FRMD4B: variants seen among roughly 807,000 people sequenced by gnomAD.
FRMD4B encodes the protein FERM domain-containing protein 4B.
Under a neutral mutation model 141.5 loss-of-function variants are expected in FRMD4B, and 74 were observed. The ratio of observed to expected loss-of-function variants is 0.52; its 90% CI spans 0.43 to 0.63. The LOEUF is 0.63. Ranked by LOEUF, FRMD4B falls within the 30% of genes least tolerant of loss-of-function variation. FRMD4B has a pLI of 0.00. For missense variants in FRMD4B, 1,366 were observed against 1,253.4 expected (o/e 1.09, Z -1.36); for synonymous variants, 506 against 467.9 (o/e 1.08, Z -1.05).
At chr3:69,314,454 G>A (rs1203428073) in intron 1 of FRMD4B, among the ~76,000 whole-genome samples, 78 of 151,728 alleles carry the variant, frequency 5.1e-4, no homozygotes, top group Admixed American at 5.1e-3. Context: ...CTTGAACCTG[G>A]GCAGTGGTGT....
At chr3:69,425,063 A>G (rs1705054055) in intron 2 of FRMD4B, among the ~76,000 whole-genome samples, 1 of 152,134 alleles carries the variant, frequency 6.6e-6, no homozygotes, top group Admixed American at 6.5e-5. Flanking sequence ...AAGGTAGGTG[A>G]TGTGCTATTA....
chr3:69,499,750 T>C (rs1013378238), intron 1 of FRMD4B, among the ~76,000 whole-genome samples: 2 of 152,290 alleles, frequency 1.3e-5, no homozygotes, highest in African/African-American at 4.8e-5. Flanking sequence ...TTCAGACTCA[T>C]CTGCTCCAAG....
upstream of FRMD4B, among the ~76,000 whole-genome samples, chr3:69,389,818 C>T (rs1704341323): frequency 6.6e-6 from 1 of 152,174 alleles, no homozygotes; most frequent in Admixed American, 6.5e-5. Flanking sequence ...AACCAGATCC[C>T]AGACACACAC....
intron 5 of FRMD4B, among the ~76,000 whole-genome samples, chr3:69,252,134 T>G (rs2314994): frequency 0.26 from 39,308 of 152,150 alleles, 5,387 homozygotes; most frequent in East Asian, 0.5. Flanking sequence ...GAAAAATATT[T>G]CAGACACCAA....
intron 1 of FRMD4B, among the ~76,000 whole-genome samples, chr3:69,460,652 T>A (rs115317677): frequency 0.011 from 1,663 of 152,312 alleles, 36 homozygotes; most frequent in African/African-American, 0.039. Context: ...CTGTCACAAC[T>A]ACTCAGACTT....
intron 1 of FRMD4B, among the ~76,000 whole-genome samples, chr3:69,463,885 T>C (rs970517517): frequency 2.0e-5 from 3 of 152,140 alleles, no homozygotes; most frequent in African/African-American, 7.2e-5. Flanking sequence ...TTTGAAAGGC[T>C]ATTAGAGATC....
intron 1 of FRMD4B, among the ~76,000 whole-genome samples, chr3:69,485,536 T>C (rs1026035442): frequency 2.6e-5 from 4 of 152,180 alleles, no homozygotes; most frequent in African/African-American, 7.2e-5. Flanking sequence ...AGCCACAGCT[T>C]GGGCAGCTGC....
At position 69,171,893 on chromosome 3, in the gene FRMD4B, G is replaced by A. The variant is rs1379665125; in HGVS notation, c.3073C>T (p.His1025Tyr). 5.0e-6 allele frequency: 8 copies of A among 1,613,134 alleles called. No individual in the cohort carries two copies. Among genetic ancestry groups the A allele is most frequent in the Non-Finnish European group, 6.8e-6 (8 of 1,179,318 alleles). Residue 1025 changes from histidine to tyrosine, a missense_variant, in exon 23 of 23, where the codon CAT (histidine) becomes TAT (tyrosine). Transcript: ENST00000398540. ...AATGTTCCAGGCTTTGAATCTTCAT[G>A]CCAAAAGAGTCTCTGCTCACTACTC... ...LESSEQRLFWHEDSKPGTLV is the reference protein window; with the variant it reads ...LESSEQRLFWYEDSKPGTLV
chr3:69,389,991 C>T (rs549090074), upstream of FRMD4B, among the ~76,000 whole-genome samples: 9 of 152,170 alleles, frequency 5.9e-5, no homozygotes, highest in East Asian at 1.7e-3. Context: ...TTTCCTGCAG[C>T]TCTCTCTGGA....
At chr3:69,266,830 C>A (rs2093564356) in intron 5 of FRMD4B, among the ~76,000 whole-genome samples, 1 of 152,258 alleles carries the variant, frequency 6.6e-6, no homozygotes, top group Middle Eastern at 3.4e-3. Context: ...AGTCAAGTAG[C>A]CTCAAAGTGT....
chr3:69,176,548 T>C lies in FRMD4B; in HGVS notation c.2960A>G (p.Tyr987Cys), dbSNP rs758394679. 15 of 1,612,792 alleles carry C rather than the reference T, an allele frequency of 9.3e-6. No homozygotes were observed. Among genetic ancestry groups the C allele is most frequent in the East Asian group, 8.9e-5 (4 of 44,878 alleles). ...SSYTSCYGNVYNPLPSPSRQY... is the reference protein window; with the variant it reads ...SSYTSCYGNVCNPLPSPSRQY... ...CCTGCTTGGAGAGGGTAAAGGATTATAGACATTGCCATAGCAGCTGGTGTA... is the reference window on the plus strand; with the variant it reads ...CCTGCTTGGAGAGGGTAAAGGATTACAGACATTGCCATAGCAGCTGGTGTA... Residue 987 changes from tyrosine to cysteine, a missense_variant, in exon 22 of 23, where the codon TAT (tyrosine) becomes TGT (cysteine). Physicochemically the swap from Tyr to Cys is radical, Grantham distance 194. Transcript: ENST00000398540.
Position 69,224,606 on chromosome 3 carries a change from C to T in FRMD4B, c.665+1G>A. The T allele has an allele frequency of 1.3e-6, 2 of 1,492,166 alleles. No individual in the cohort carries two copies. Among genetic ancestry groups the T allele is most frequent in the Non-Finnish European group, 1.9e-6 (2 of 1,074,688 alleles). The allele number at this position is 1,492,166 out of a possible 1,614,324, so 92.4% of individuals were successfully genotyped here. ...ACACCTGTTATGTGGATTTGGCTTA[C>T]CAGTAGGCAAGGGATGGATGCTCCT... On this transcript the variant is annotated splice_donor_variant, in intron 8 of 22. Transcript: ENST00000398540. LOFTEE classifies it high-confidence loss of function.
intron 1 of FRMD4B, among the ~76,000 whole-genome samples, chr3:69,380,609 T>C (rs1704090714): frequency 1.3e-5 from 2 of 152,150 alleles, no homozygotes; most frequent in African/African-American, 2.4e-5. Flanking sequence ...GGAAAGCAAT[T>C]TGTCCGAGGT....
chr3:69,450,137 T>G (rs1705472167), intron 1 of FRMD4B, among the ~76,000 whole-genome samples: 1 of 152,226 alleles, frequency 6.6e-6, no homozygotes, highest in African/African-American at 2.4e-5. Context: ...GTAAAGCATC[T>G]CATACAATGC....
intron 1 of FRMD4B, among the ~76,000 whole-genome samples, chr3:69,535,463 C>T (rs1449795846): frequency 1.3e-5 from 2 of 152,214 alleles, no homozygotes; most frequent in African/African-American, 2.4e-5. Flanking sequence ...GCTATCGTTA[C>T]CATTAGTTCT....
intron 1 of FRMD4B, among the ~76,000 whole-genome samples, chr3:69,448,221 T>A (rs964250298): frequency 6.6e-6 from 1 of 151,972 alleles, no homozygotes; most frequent in African/African-American, 2.4e-5. Flanking sequence ...GTAGAGACGA[T>A]GTTTCACCAT....
chr3:69,385,077 A>G (rs1266552009), intron 1 of FRMD4B, among the ~76,000 whole-genome samples: 1 of 152,114 alleles, frequency 6.6e-6, no homozygotes, highest in African/African-American at 2.4e-5. Context: ...TAAAAAAAAA[A>G]AAAGAAATCC....
intron 1 of FRMD4B, among the ~76,000 whole-genome samples, chr3:69,362,667 A>C (rs1207051154): frequency 6.6e-6 from 1 of 150,754 alleles, no homozygotes; most frequent in Non-Finnish European, 1.5e-5. Context: ...ACAGAGTGAG[A>C]CTCCATCTCA....
rs374080539 is a variant in FRMD4B, at chr3:69,430,050, C to A, written c.-1+2584G>T. 3.9e-5 allele frequency among the ~76,000 whole-genome samples: 6 copies of A among 152,206 alleles called. No individual in the cohort carries two copies. In the East Asian group the frequency reaches 1.2e-3, roughly 29 times the overall value. On this transcript the variant is annotated intron_variant, in intron 2 of 5. Coordinates refer to the FRMD4B transcript ENST00000459638. ...TGCTGGGATTACAGGCATGAGCCAC[C>A]ATGCCCGGGCCTGGATGACTCTTCT...
Sources: allele counts gnomAD v4.1 joint callset (sites outside exome capture counted in the v4.1 genomes callset), GRCh38; gene constraint gnomAD v4.1.1; transcripts MANE v1.5; gene names NCBI Gene and HGNC (gene_info 2026-07-23, HGNC 2026-07-21).